The following SLC25A26 variants were observed in gnomAD, a reference collection of about 807,000 sequenced individuals.
SLC25A26 encodes the protein mitochondrial S-adenosylmethionine carrier protein.
SLC25A26 carries 36 observed loss-of-function variants against 37.8 expected under a neutral mutation model. The ratio of observed to expected loss-of-function variants is 0.95; its 90% CI spans 0.73 to 1.26. SLC25A26 has a LOEUF of 1.26. Ranked by LOEUF, SLC25A26 falls within the 50% of genes most tolerant of loss-of-function variation. The pLI is 0.00. For missense variants in SLC25A26, 390 were observed against 331.1 expected (o/e 1.18, Z -1.38); for synonymous variants, 129 against 122.5 (o/e 1.05, Z -0.35).
At chr3:66,135,085 C>T (rs945898603) in intron 1 of SLC25A26, among the ~76,000 whole-genome samples, 4 of 152,098 alleles carry the variant, frequency 2.6e-5, no homozygotes, top group Non-Finnish European at 5.9e-5. Context: ...GCCACTTTGG[C>T]CTCGCAAAGA....
At chr3:66,206,781 T>C (rs930767280) in intron 1 of SLC25A26, among the ~76,000 whole-genome samples, 27 of 151,570 alleles carry the variant, frequency 1.8e-4, no homozygotes, top group African/African-American at 4.8e-4. Context: ...CCAGTAGTCA[T>C]TGTAACCTCC....
At chr3:66,343,959 T>C (rs1306705272) in intron 5 of SLC25A26, among the ~76,000 whole-genome samples, 11 of 152,218 alleles carry the variant, frequency 7.2e-5, no homozygotes, top group Admixed American at 2.6e-4. Flanking sequence ...ACTACTGTTA[T>C]GGAACTTCGA....
intron 1 of SLC25A26, among the ~76,000 whole-genome samples, chr3:66,215,523 G>A (rs962997301): frequency 1.3e-5 from 2 of 152,122 alleles, no homozygotes; most frequent in Non-Finnish European, 2.9e-5. Flanking sequence ...ATATGTAACC[G>A]TTTTAGGAGG....
Position 66,175,107 on chromosome 3 carries a change from GTGTATATA to G in SLC25A26, c.-354+41125_-354+41132del, listed in dbSNP as rs1289728733. Among the ~76,000 whole-genome samples the G allele has an allele frequency of 7.9e-3, 639 of 80,542 alleles. 6 individuals carry two copies. The highest frequency in any genetic ancestry group is 0.026 in the African/African-American group (544 of 20,920). The allele number at this position is 80,542 out of a possible 152,430, so 52.8% of individuals were successfully genotyped here. On this transcript the variant is annotated intron_variant, in intron 1 of 10. Coordinates refer to the SLC25A26 transcript ENST00000676754. ...ATTATATGTATATGTATATGTGTGT[GTGTATATA>G]TATATATATATATATATATATATAT...
intron 2 of SLC25A26, among the ~76,000 whole-genome samples, chr3:66,239,407 T>C (rs1330305665): frequency 1.3e-5 from 2 of 152,232 alleles, no homozygotes; most frequent in African/African-American, 4.8e-5. Flanking sequence ...AACAGGGCAC[T>C]CTCATCTACA....
At chr3:66,349,851 A>G (rs1289288807) in intron 6 of SLC25A26, among the ~76,000 whole-genome samples, 1 of 152,150 alleles carries the variant, frequency 6.6e-6, no homozygotes, top group African/African-American at 2.4e-5. Flanking sequence ...GTTGCTCTAC[A>G]TCCATGTCAT....
At position 66,146,196 on chromosome 3, in the gene SLC25A26, C is replaced by T. The variant is rs141624190; in HGVS notation, c.-354+12212C>T. ...CTTTACCAAAAATACAAAAATTAGCCGGGTGTGGTGGCAGGCACCTGTAAC... is the reference window on the plus strand; with the variant it reads ...CTTTACCAAAAATACAAAAATTAGCTGGGTGTGGTGGCAGGCACCTGTAAC... On this transcript the variant is annotated intron_variant, in intron 1 of 10. Transcript: ENST00000676754. Among the ~76,000 whole-genome samples the T allele has an allele frequency of 8.1e-4, 123 of 151,912 alleles. 1 individual carries two copies. In the East Asian group the frequency reaches 0.014, roughly 17 times the overall value.
At chr3:66,195,315 A>G (rs1214907767) in intron 1 of SLC25A26, among the ~76,000 whole-genome samples, 2 of 152,262 alleles carry the variant, frequency 1.3e-5, no homozygotes, top group South Asian at 2.1e-4. Context: ...CCCCTGCCCA[A>G]CTATTGAGCA....
At chr3:66,188,728 A>G (rs996622851) in intron 1 of SLC25A26, among the ~76,000 whole-genome samples, 5 of 152,110 alleles carry the variant, frequency 3.3e-5, no homozygotes, top group African/African-American at 1.2e-4. Flanking sequence ...ACAACACAAA[A>G]TGGACTAAGA....
intron 1 of SLC25A26, among the ~76,000 whole-genome samples, chr3:66,233,339 G>A (rs904723934): frequency 6.6e-6 from 1 of 152,158 alleles, no homozygotes; most frequent in African/African-American, 2.4e-5. Context: ...TTGAGGTCTC[G>A]ATACATTGTG....
chr3:66,312,516 G>T (rs931208937), intron 5 of SLC25A26, among the ~76,000 whole-genome samples: 5 of 148,612 alleles, frequency 3.4e-5, no homozygotes, highest in Non-Finnish European at 7.4e-5. Context: ...GGGGTTCCAG[G>T]TGTCACTGGG....
At chr3:66,287,227 C>T (rs1341399058) in intron 5 of SLC25A26, among the ~76,000 whole-genome samples, 4 of 150,600 alleles carry the variant, frequency 2.7e-5, no homozygotes, top group East Asian at 2.0e-4. Context: ...ACCTGGGAGG[C>T]GGAGCTTGCA....
chr3:66,282,654 C>T (rs1306680054), intron 5 of SLC25A26, among the ~76,000 whole-genome samples: 1 of 152,126 alleles, frequency 6.6e-6, no homozygotes, highest in African/African-American at 2.4e-5. Flanking sequence ...TTCATCTTTC[C>T]CATTTCATAT....
At chr3:66,369,224 A>C (rs1700209211) in intron 7 of SLC25A26, among the ~76,000 whole-genome samples, 1 of 152,182 alleles carries the variant, frequency 6.6e-6, no homozygotes, top group African/African-American at 2.4e-5. Flanking sequence ...CTAGTTAATG[A>C]AAGAGCAAGA....
intron 3 of SLC25A26, among the ~76,000 whole-genome samples, chr3:66,249,983 C>A (rs2073017060): frequency 6.6e-6 from 1 of 152,212 alleles, no homozygotes. Flanking sequence ...ATTTTCCTGT[C>A]TGTTGACTTT....
chr3:66,361,096 T>G (rs937137491), intron 6 of SLC25A26, among the ~76,000 whole-genome samples: 13 of 152,196 alleles, frequency 8.5e-5, no homozygotes, highest in African/African-American at 3.1e-4. Context: ...CCCACACATA[T>G]GTGGACAATT....
chr3:66,169,956 A>G lies in SLC25A26; in HGVS notation c.-354+35972A>G, dbSNP rs187086289. ...GAGCAATAATTTTCCTCATACTTCC[A>G]GTGGGATGGGTGGCACTGGCTGAGG... On this transcript the variant is annotated intron_variant, in intron 1 of 10. Transcript: ENST00000676754. 3.4e-3 allele frequency among the ~76,000 whole-genome samples: 517 copies of G among 152,256 alleles called. 1 individual carries two copies. The highest frequency in any genetic ancestry group is 5.8e-3 in the Non-Finnish European group (396 of 68,008).
intron 1 of SLC25A26, among the ~76,000 whole-genome samples, chr3:66,152,676 G>C (rs1012093721): frequency 6.6e-6 from 1 of 152,112 alleles, no homozygotes; most frequent in African/African-American, 2.4e-5. Context: ...GACTAACTTA[G>C]GTTATATCTG....
At chr3:66,252,675 A>C (rs1002600055) in intron 3 of SLC25A26, among the ~76,000 whole-genome samples, 1 of 152,228 alleles carries the variant, frequency 6.6e-6, no homozygotes, top group African/African-American at 2.4e-5. Context: ...GCCCCATTTC[A>C]CACAAGTTGC....
Sources: allele counts gnomAD v4.1 joint callset (sites outside exome capture counted in the v4.1 genomes callset), GRCh38; gene constraint gnomAD v4.1.1; transcripts MANE v1.5; gene names NCBI Gene and HGNC (gene_info 2026-07-23, HGNC 2026-07-21).